The following HEXA variants were observed in gnomAD, a reference collection of about 807,000 sequenced individuals.
HEXA encodes beta-hexosaminidase subunit alpha.
Under a neutral mutation model 73.3 loss-of-function variants are expected in HEXA, and 54 were observed. That is an observed-to-expected ratio of 0.74 (90% CI 0.59 to 0.92). The LOEUF is 0.92. HEXA is among the 40% of genes least tolerant of loss of function. The pLI, the probability that HEXA is intolerant of heterozygous loss-of-function variation, is 0.00. For missense variants in HEXA, 649 were observed against 653.0 expected (o/e 0.99, Z 0.07); for synonymous variants, 230 against 246.9 (o/e 0.93, Z 0.64).
At chr15:72,367,031 C>T (rs1318166900) in intron 1 of HEXA, among the ~76,000 whole-genome samples, 3 of 151,992 alleles carry the variant, frequency 2.0e-5, no homozygotes, top group Non-Finnish European at 4.4e-5. Flanking sequence ...GCAACCTCCA[C>T]CTCCTGGATT....
intron 6 of HEXA, 93 bp from the exon 7 acceptor site, chr15:72,350,743 A>C: frequency 6.9e-7 from 1 of 1,446,876 alleles, no homozygotes; most frequent in Admixed American, 1.7e-5. Context: ...CCCAGATATC[A>C]GAAAACCTGC....
intron 1 of HEXA, among the ~76,000 whole-genome samples, chr15:72,373,156 C>T (rs891713008): frequency 6.6e-6 from 1 of 152,062 alleles, no homozygotes; most frequent in Non-Finnish European, 1.5e-5. Context: ...AACAAACAAA[C>T]AAAACCTACT....
chr15:72,372,067 G>A (rs1472622314), intron 1 of HEXA, among the ~76,000 whole-genome samples: 2 of 152,120 alleles, frequency 1.3e-5, no homozygotes, highest in African/African-American at 2.4e-5. Context: ...ATGCAGTCAT[G>A]GCCAGGTGCA....
Position 72,344,026 on chromosome 15 carries a change from T to C in HEXA, c.*51A>G. On this transcript the variant is annotated 3_prime_UTR_variant, in exon 14 of 14. Transcript: ENST00000268097. Reference sequence around the variant, plus strand: ...CCCTGGCCAGGATGCAGTGGAAGCCTGGCTCCACTACCATTCACCTACAGC... The same window carrying C: ...CCCTGGCCAGGATGCAGTGGAAGCCCGGCTCCACTACCATTCACCTACAGC... 3 of 1,479,490 alleles carry C rather than the reference T, an allele frequency of 2.0e-6. No individual in the cohort carries two copies. Among genetic ancestry groups the C allele is most frequent in the Non-Finnish European group, 1.9e-6 (2 of 1,058,172 alleles). The allele number at this position is 1,479,490 out of a possible 1,614,324, so 91.6% of individuals were successfully genotyped here.
chr15:72,349,478 T>C (rs2088666958), intron 7 of HEXA, among the ~76,000 whole-genome samples: 1 of 152,212 alleles, frequency 6.6e-6, no homozygotes, highest in East Asian at 1.9e-4. Context: ...AGGCAGAGGC[T>C]AAGTTCCAGC....
At chr15:72,367,192 C>T (rs1351766141) in intron 1 of HEXA, among the ~76,000 whole-genome samples, 2 of 152,202 alleles carry the variant, frequency 1.3e-5, no homozygotes, top group African/African-American at 4.8e-5. Context: ...ATCCACCTGC[C>T]TCAGCCTCCC....
chr15:72,355,212 C>T (rs78571024), intron 3 of HEXA: 13,930 of 342,772 alleles, frequency 0.041, 425 homozygotes, highest in East Asian at 0.12. Flanking sequence ...GACGGGAAAA[C>T]ACGCCAATTG....
At chr15:72,356,716 G>A in intron 1 of HEXA, 99 bp from the exon 2 acceptor site, 1 of 1,554,716 alleles carries the variant, frequency 6.4e-7, no homozygotes, top group Non-Finnish European at 8.7e-7. Flanking sequence ...CACGCCTGTG[G>A]TAAAGGAAAG....
intron 1 of HEXA, among the ~76,000 whole-genome samples, chr15:72,364,393 T>C (rs1487333314): frequency 6.6e-6 from 1 of 152,136 alleles, no homozygotes; most frequent in African/African-American, 2.4e-5. Context: ...TATATATAGA[T>C]TTACATCCTT....
chr15:72,375,591 G>A, intron 1 of HEXA, 129 bp downstream of exon 1: 1 of 953,622 alleles, frequency 1.0e-6, no homozygotes, highest in East Asian at 2.4e-5. Context: ...GCAGCTCGAG[G>A]AGGAAGTGGA....
chr15:72,355,253 C>T (rs532780479), intron 3 of HEXA: 23 of 396,652 alleles, frequency 5.8e-5, no homozygotes, highest in African/African-American at 1.4e-4. Context: ...TGGCTGGGCG[C>T]GGTGGCACAC....
chr15:72,348,583 C>A (rs552564908), intron 8 of HEXA, among the ~76,000 whole-genome samples: 1 of 152,322 alleles, frequency 6.6e-6, no homozygotes, highest in Admixed American at 6.5e-5. Flanking sequence ...TTCCCCTGCT[C>A]ACATCTCCAA....
intron 1 of HEXA, among the ~76,000 whole-genome samples, chr15:72,362,947 T>C (rs1283918715): frequency 1.3e-5 from 2 of 152,136 alleles, no homozygotes; most frequent in South Asian, 2.1e-4. Flanking sequence ...TGCTTCTGGA[T>C]TGAAAACTAA....
At position 72,349,148 on chromosome 15, in the gene HEXA, A is replaced by C. The variant is rs1567297439; in HGVS notation, c.917T>G (p.Leu306Ter). 1 of 1,613,672 alleles carries C rather than the reference A, an allele frequency of 6.2e-7. No individual in the cohort carries two copies. The highest frequency in any genetic ancestry group is 8.5e-7 in the Non-Finnish European group (1 of 1,179,694). The stretch of plus-strand genomic sequence containing the variant: ...ATCTGGGAAGACAGAGCTGACTTCT[A>C]AGAAGAATGTGCTCATGAACTCATA... Reference protein sequence around the residue: ...NTYEFMSTFFLEVSSVFPDFY... With the variant: ...NTYEFMSTFF Residue 306 changes from leucine (L) to a stop codon, truncating the protein, a stop_gained, in exon 8 of 14, where the codon TTA becomes TGA. Coordinates refer to ENST00000268097, the MANE Select transcript of HEXA (RefSeq NM_000520.6). LOFTEE classifies it high-confidence loss of function.
chr15:72,365,539 G>A (rs757656812), intron 1 of HEXA, among the ~76,000 whole-genome samples: 4 of 151,222 alleles, frequency 2.6e-5, no homozygotes, highest in Non-Finnish European at 4.4e-5. Context: ...TTTCCTTTAC[G>A]GTCTCTTTAT....
In HEXA at chr15:72,347,691, CT is replaced by C. The variant is rs1555472553; in HGVS notation, c.1140del (p.Val381Ter). The C allele has an allele frequency of 6.2e-7, 1 of 1,614,148 alleles. No individual in the cohort carries two copies. On this transcript the variant is annotated frameshift_variant, in exon 10 of 14. Coordinates refer to ENST00000268097, the MANE Select transcript of HEXA (RefSeq NM_000520.6). LOFTEE classifies it high-confidence loss of function. ...YVVWQEVFDN[K>X]VKIQPDTIIQ... is the part of the protein sequence containing the mutation. Reference sequence around the variant, plus strand: ...TCTTCTCTGCCCCGGCTCACCTTTACTTTATTATCAAACACCTCCTGCCACA... The same window carrying C: ...TCTTCTCTGCCCCGGCTCACCTTTACTTATTATCAAACACCTCCTGCCACA...
intron 9 of HEXA, 139 bp from the exon 10 acceptor site, chr15:72,347,897 C>T: frequency 1.0e-6 from 1 of 994,552 alleles, no homozygotes. Flanking sequence ...GGCTGAAAAC[C>T]AACCACTCCA....
At chr15:72,351,958 T>C (rs1470464693) in intron 5 of HEXA, among the ~76,000 whole-genome samples, 19 of 151,730 alleles carry the variant, frequency 1.3e-4, no homozygotes, top group African/African-American at 4.6e-4. Flanking sequence ...CCTTCACTTA[T>C]TTATTTATTT....
In HEXA at chr15:72,341,887, A is replaced by G. The variant is rs566920132; in HGVS notation, c.*2190T>C. On this transcript the variant is annotated 3_prime_UTR_variant, in exon 14 of 14. Transcript: ENST00000268097. Reference sequence around the variant, plus strand: ...CCACGTTAGTTTAGTGGTAAAAATAATAACATTAAAGAAAATGTTTACAAC... The same window carrying G: ...CCACGTTAGTTTAGTGGTAAAAATAGTAACATTAAAGAAAATGTTTACAAC... The G allele has an allele frequency of 3.9e-5, 6 of 152,362 alleles. No homozygotes were observed. In the South Asian group the frequency reaches 6.2e-4, roughly 16 times the overall value. The allele number at this position is 152,362 out of a possible 1,614,324, so 9.4% of individuals were successfully genotyped here.
Sources: gnomAD v4.1 joint callset for allele counts (sites outside exome capture counted in the v4.1 genomes callset) on GRCh38, gnomAD v4.1.1 for gene constraint, MANE v1.5 for transcripts, NCBI Gene and HGNC (gene_info 2026-07-23, HGNC 2026-07-21) for gene names.